VAV2: variants seen among roughly 807,000 people sequenced by gnomAD.
The protein encoded by VAV2 is vav guanine nucleotide exchange factor 2.
A neutral mutation model predicts 132.5 loss-of-function variants in VAV2; 67 were observed. That is an observed-to-expected ratio of 0.51 (90% CI 0.42 to 0.62). The LOEUF (loss-of-function observed/expected upper bound fraction) is 0.62. Ranked by LOEUF, VAV2 falls within the 20% of genes least tolerant of loss-of-function variation. VAV2 has a pLI of 0.00. For synonymous variants in VAV2, 492 were observed against 443.5 expected, an observed-to-expected ratio of 1.11 and a Z score of -1.37; for missense variants, 938 against 1,153.6, an observed-to-expected ratio of 0.81 and a Z score of 2.71.
chr9:133,769,535 G>A lies in VAV2; in HGVS notation c.2348-32C>T. On this transcript the variant is annotated intron_variant, in intron 27 of 29. Coordinates refer to ENST00000371850, the MANE Select transcript of VAV2 (RefSeq NM_001134398.2). This position sits in a 1 kb window ranked among gnomAD's most constrained non-coding sequence, Gnocchi z 8.1. The stretch of plus-strand genomic sequence containing the variant: ...AGAGGCGAGAGAGAACGTGAGGCGG[G>A]CAGCAGGGCATCCACGCACAGTCAC... 2 of 1,591,824 alleles carry A rather than the reference G, an allele frequency of 1.3e-6. No individual in the cohort carries two copies. The highest frequency in any genetic ancestry group is 1.7e-6 in the Non-Finnish European group (2 of 1,167,972).
chr9:133,954,037 A>G (rs1841658771), intron 1 of VAV2, among the ~76,000 whole-genome samples: 1 of 152,176 alleles, frequency 6.6e-6, no homozygotes, highest in Non-Finnish European at 1.5e-5. Context: ...TTAAGATCCC[A>G]GCACTATACA....
Position 133,788,102 on chromosome 9 carries a change from T to G in VAV2, c.1407+252A>C, listed in dbSNP as rs1834303058. On this transcript the variant is annotated intron_variant, in intron 15 of 29. Coordinates refer to ENST00000371850, the MANE Select transcript of VAV2 (RefSeq NM_001134398.2). This position sits in a 1 kb window ranked among gnomAD's most constrained non-coding sequence, Gnocchi z 5.3. ...TCAGTCGCCTCACTGGGGAGTGGGATTCTGGTCTTGCCCACCTTTCTGGGG... is the reference window on the plus strand; with the variant it reads ...TCAGTCGCCTCACTGGGGAGTGGGAGTCTGGTCTTGCCCACCTTTCTGGGG... 6.6e-6 allele frequency among the ~76,000 whole-genome samples: 1 copy of G among 152,124 alleles called. No individual in the cohort carries two copies. Among genetic ancestry groups the G allele is most frequent in the Non-Finnish European group, 1.5e-5 (1 of 68,026 alleles).
At chr9:133,904,648 C>T (rs1839573717) in intron 2 of VAV2, among the ~76,000 whole-genome samples, 1 of 152,252 alleles carries the variant, frequency 6.6e-6, no homozygotes, top group African/African-American at 2.4e-5. Flanking sequence ...CCGCTGCTCC[C>T]AGGACACAGC....
chr9:133,875,530 C>T (rs1436269008), intron 2 of VAV2, among the ~76,000 whole-genome samples: 3 of 152,274 alleles, frequency 2.0e-5, no homozygotes, highest in East Asian at 1.9e-4. Flanking sequence ...CTGGAGGAGG[C>T]GCAGGCCTAT....
chr9:133,987,607 G>C (rs137957367), intron 1 of VAV2, among the ~76,000 whole-genome samples: 1 of 152,252 alleles, frequency 6.6e-6, no homozygotes, highest in East Asian at 1.9e-4. Context: ...AAGCCTTTGC[G>C]TGGTGTCCAG....
intron 2 of VAV2, among the ~76,000 whole-genome samples, chr9:133,889,586 G>A (rs773260149): frequency 2.6e-5 from 4 of 152,098 alleles, no homozygotes; most frequent in Non-Finnish European, 4.4e-5. Context: ...CCACAGCTCC[G>A]CAGCAAGGAC....
At chr9:133,958,758 T>C (rs2789857) in intron 1 of VAV2, among the ~76,000 whole-genome samples, 99,027 of 152,178 alleles carry the variant, frequency 0.65, 32,388 homozygotes, top group East Asian at 0.78. Flanking sequence ...CCAACAAGGA[T>C]GCTGCAGAGC....
intron 2 of VAV2, chr9:133,925,990 G>A (rs1225528789): frequency 1.7e-5 from 2 of 117,082 alleles, no homozygotes; most frequent in South Asian, 2.7e-4. Flanking sequence ...AATTAACTGT[G>A]GACATGGACC....
At chr9:133,817,304 A>G (rs1835596799) in intron 4 of VAV2, among the ~76,000 whole-genome samples, 2 of 152,180 alleles carry the variant, frequency 1.3e-5, no homozygotes, top group Non-Finnish European at 2.9e-5. Context: ...ATCATCCCAC[A>G]CGTCTCAGGC....
intron 1 of VAV2, among the ~76,000 whole-genome samples, chr9:133,952,319 C>G (rs1210081620): frequency 6.6e-6 from 1 of 152,054 alleles, no homozygotes; most frequent in Non-Finnish European, 1.5e-5. Flanking sequence ...TTGATGCTCT[C>G]AAGGCCGGGT....
chr9:133,987,545 G>A (rs2519825), intron 1 of VAV2, among the ~76,000 whole-genome samples: 112,056 of 152,180 alleles, frequency 0.74, 41,808 homozygotes, highest in East Asian at 0.87. Flanking sequence ...GAGGCAGGGA[G>A]CACAGGGAGT....
chr9:133,942,909 C>G (rs549185002), intron 1 of VAV2, among the ~76,000 whole-genome samples: 1 of 152,288 alleles, frequency 6.6e-6, no homozygotes, highest in South Asian at 2.1e-4. Context: ...TGGCAGAGAC[C>G]GGGACAAAGC....
At chr9:133,958,233 T>C (rs7390480) in intron 1 of VAV2, among the ~76,000 whole-genome samples, 3,797 of 91,314 alleles carry the variant, frequency 0.042, 171 homozygotes, top group East Asian at 0.085. Context: ...GAGGAAGGCA[T>C]GCCTCTTGCA....
rs113227000 is a variant in VAV2, at chr9:133,827,379, G to A, written c.449+6893C>T. ...TCACCACCTACCGCTGCGCCCACTG[G>A]GGCTGACCACTGAGCACGGGCATCG... On this transcript the variant is annotated intron_variant, in intron 4 of 29. Coordinates refer to ENST00000371850, the MANE Select transcript of VAV2 (RefSeq NM_001134398.2). Among the ~76,000 whole-genome samples the A allele has an allele frequency of 8.7e-4, 26 of 29,844 alleles. 1 individual carries two copies. The highest frequency in any genetic ancestry group is 2.3e-3 in the South Asian group (1 of 438). 19.6% of individuals were successfully genotyped at this position (29,844 alleles called of 152,430 possible). A position where few individuals can be genotyped will look rare whatever the true frequency, so the allele number is the denominator to read the frequency against.
Position 133,938,504 on chromosome 9 carries a change from G to T in VAV2, c.321+599C>A, listed in dbSNP as rs2073887. Among the ~76,000 whole-genome samples the T allele has an allele frequency of 2.6e-3, 375 of 144,704 alleles. 1 individual carries two copies. Among genetic ancestry groups the T allele is most frequent in the Middle Eastern group, 0.01 (3 of 294 alleles). The allele number at this position is 144,704 out of a possible 152,430, so 94.9% of individuals were successfully genotyped here. On this transcript the variant is annotated intron_variant, in intron 2 of 29. Transcript: ENST00000371850. ...AGGGTCCCCTCATGTGCACCAGCCC[G>T]GCTCCTGCATGCAGGACTGGTGCCA...
intron 3 of VAV2, among the ~76,000 whole-genome samples, chr9:133,835,586 C>G (rs1404681028): frequency 6.6e-6 from 1 of 152,234 alleles, no homozygotes; most frequent in Non-Finnish European, 1.5e-5. Flanking sequence ...GGTAGGAAAC[C>G]TGTCACTAAG....
rs79594030 is a variant in VAV2 at position 133,801,168 on chromosome 9, T to G, written c.837-3359A>C. 2.6e-5 allele frequency among the ~76,000 whole-genome samples: 4 copies of G among 152,102 alleles called. No individual in the cohort carries two copies. In the South Asian group the frequency reaches 8.3e-4, roughly 32 times the overall value. ...CCTGGACACAGGTCCTTCTATCCATTTGATAAGAGGATGCAGGAGGTTGGG... is the reference window on the plus strand; with the variant it reads ...CCTGGACACAGGTCCTTCTATCCATGTGATAAGAGGATGCAGGAGGTTGGG... On this transcript the variant is annotated intron_variant, in intron 9 of 29. Transcript: ENST00000371850.
chr9:133,789,855 C>G (rs1006414194), intron 13 of VAV2, among the ~76,000 whole-genome samples: 2 of 152,256 alleles, frequency 1.3e-5, no homozygotes, highest in Non-Finnish European at 2.9e-5. Flanking sequence ...TCTTCTGATT[C>G]AGAGAGAGCT....
intron 2 of VAV2, among the ~76,000 whole-genome samples, chr9:133,934,388 A>AAGG (rs1278857928): frequency 6.6e-6 from 1 of 152,210 alleles, no homozygotes; most frequent in Non-Finnish European, 1.5e-5. Context: ...TGACTGGATG[A>AAGG]AGGAACACCT....
Sources: gnomAD v4.1 joint callset for allele counts (sites outside exome capture counted in the v4.1 genomes callset) on GRCh38, gnomAD v4.1.1 for gene constraint, Gnocchi (gnomAD v3.1) non-coding constraint, MANE v1.5 for transcripts, NCBI Gene and HGNC (gene_info 2026-07-23, HGNC 2026-07-21) for gene names.